Variants in KATNAL2 observed in about 807,000 individuals in gnomAD.
KATNAL2 encodes the protein katanin catalytic subunit A1 like 2.
Under a neutral mutation model 76.3 loss-of-function variants are expected in KATNAL2, and 52 were observed. That is an observed-to-expected ratio of 0.68 (90% CI 0.55 to 0.86). KATNAL2 has a LOEUF of 0.86. Among genes scored for constraint, KATNAL2 ranks in the 40% least tolerant of loss-of-function variants. The pLI is 0.00. For missense variants in KATNAL2, 660 were observed against 668.9 expected, an observed-to-expected ratio of 0.99 and a Z score of 0.15; for synonymous variants, 243 against 244.2, an observed-to-expected ratio of 1.00 and a Z score of 0.05.
In KATNAL2 at chr18:46,951,675, C is replaced by T. The variant is rs562208322; in HGVS notation, c.51+4752C>T. On this transcript the variant is annotated intron_variant, in intron 3 of 17. Transcript: ENST00000683218. ...AGGTAAAGTTTTGGAAACAAAGTAT[C>T]TATGAAACTTCTCCTCTCACCTTGA... Among the ~76,000 whole-genome samples, 18 of 152,210 alleles carry T rather than the reference C, an allele frequency of 1.2e-4. 3 individuals are homozygous for T. The South Asian group carries it at 3.5e-3, about 30-fold the overall frequency.
intron 15 of KATNAL2, among the ~76,000 whole-genome samples, chr18:47,090,576 G>A (rs907317288): frequency 2.0e-5 from 3 of 152,160 alleles, no homozygotes; most frequent in Admixed American, 6.5e-5. Context: ...AGCCAGCACC[G>A]TGTGATTGGT....
chr18:47,048,348 A>G (rs2061229018), intron 4 of KATNAL2, among the ~76,000 whole-genome samples: 1 of 152,176 alleles, frequency 6.6e-6, no homozygotes. Context: ...GGTACAAAGG[A>G]AAAAGGTGAG....
chr18:47,077,676 A>T, intron 15 of KATNAL2: 1 of 433,054 alleles, frequency 2.3e-6, no homozygotes, highest in Non-Finnish European at 4.1e-6. Context: ...GGTGACCATT[A>T]ACAATATTTA....
At chr18:47,063,470 A>C in intron 10 of KATNAL2, 109 bp downstream of exon 10, 1 of 776,570 alleles carries the variant, frequency 1.3e-6, no homozygotes, top group Non-Finnish European at 2.1e-6. Context: ...TTTATTTATA[A>C]AGTGCCCCCA....
chr18:47,077,175 C>T (rs766586353), intron 14 of KATNAL2, among the ~76,000 whole-genome samples, 176 bp from the exon 15 acceptor site: 1 of 152,158 alleles, frequency 6.6e-6, no homozygotes, highest in African/African-American at 2.4e-5. Context: ...TTCTATCATA[C>T]TGTATGTGAA....
At chr18:47,032,814 T>A in intron 3 of KATNAL2, 2 of 1,019,172 alleles carry the variant, frequency 2.0e-6, no homozygotes, top group Non-Finnish European at 2.8e-6. Context: ...TTCTCCAAGC[T>A]GGGAGGTAGT....
intron 3 of KATNAL2, among the ~76,000 whole-genome samples, chr18:47,042,697 T>C (rs1182730412): frequency 6.6e-6 from 1 of 152,078 alleles, no homozygotes; most frequent in Non-Finnish European, 1.5e-5. Flanking sequence ...GACAAAGGAA[T>C]GGAACACTGT....
intron 3 of KATNAL2, among the ~76,000 whole-genome samples, chr18:46,947,490 TGCTACTGGCCA>T (rs1374782409): frequency 6.6e-6 from 1 of 152,056 alleles, no homozygotes; most frequent in African/African-American, 2.4e-5. Context: ...CTGTATCACC[TGCTACTGGCCA>T]GCAATTCTTT....
In KATNAL2 at chr18:46,920,234, G is replaced by A. The variant is rs147724024; in HGVS notation, c.-510+2308G>A. ...CTGGCCACAGTATTAGATCACAACT[G>A]GGCATATAAATCTGATTAGTACTGA... is the stretch of plus-strand genomic sequence containing the variant. On this transcript the variant is annotated intron_variant, in intron 1 of 17. Transcript: ENST00000683218. 1,564 of 458,414 alleles carry A rather than the reference G, an allele frequency of 3.4e-3. 23 individuals are homozygous for A. Among genetic ancestry groups the A allele is most frequent in the South Asian group, 0.014 (854 of 62,670 alleles). 28.4% of individuals were successfully genotyped at this position (458,414 alleles called of 1,614,324 possible). A position where few individuals can be genotyped will look rare whatever the true frequency, so the allele number is the denominator to read the frequency against.
chr18:47,045,853 T>TA (rs1460898541), intron 3 of KATNAL2, among the ~76,000 whole-genome samples: 1 of 152,222 alleles, frequency 6.6e-6, no homozygotes, highest in Non-Finnish European at 1.5e-5. Flanking sequence ...TGTAGCACAT[T>TA]AACACTGTGA....
At chr18:47,084,217 CTA>C in intron 15 of KATNAL2, 1 of 592,530 alleles carries the variant, frequency 1.7e-6, no homozygotes. Flanking sequence ...TTTCTGTTAT[CTA>C]TGTTAACCTA....
intron 1 of KATNAL2, among the ~76,000 whole-genome samples, chr18:46,939,926 C>G (rs929820378): frequency 2.6e-5 from 4 of 152,134 alleles, no homozygotes; most frequent in African/African-American, 9.7e-5. Context: ...ACTAACAGAG[C>G]TAAGTCTCTT....
intron 6 of KATNAL2, 175 bp downstream of exon 6, chr18:47,054,613 A>G: frequency 1.5e-6 from 1 of 670,648 alleles, no homozygotes. Context: ...ATTTGGGCCA[A>G]TGTCCGTCTA....
intron 3 of KATNAL2, chr18:47,034,607 C>T (rs780602972): frequency 6.2e-7 from 1 of 1,614,168 alleles, no homozygotes; most frequent in Admixed American, 1.7e-5. Context: ...TGGCTCACAA[C>T]GGCTTTCCCC....
intron 3 of KATNAL2, among the ~76,000 whole-genome samples, chr18:46,953,269 A>C (rs1385822169): frequency 6.6e-6 from 1 of 151,248 alleles, no homozygotes; most frequent in African/African-American, 2.4e-5. Context: ...TGCATTTTTT[A>C]ATTTGTGGTT....
At chr18:47,065,655 A>G (rs1248257419) in intron 10 of KATNAL2, among the ~76,000 whole-genome samples, 6 of 151,904 alleles carry the variant, frequency 3.9e-5, no homozygotes, top group African/African-American at 1.5e-4. Context: ...CTCAGAAAAA[A>G]CAAACAAACA....
At chr18:46,945,104 T>G (rs1795089805) in intron 1 of KATNAL2, among the ~76,000 whole-genome samples, 2 of 152,352 alleles carry the variant, frequency 1.3e-5, no homozygotes, top group Admixed American at 1.3e-4. Context: ...TGTCTGTAAA[T>G]ATTCAGTTCC....
chr18:47,059,756 T>C (rs1569095377), intron 8 of KATNAL2, 102 bp downstream of exon 8: 3 of 873,788 alleles, frequency 3.4e-6, no homozygotes, highest in Non-Finnish European at 5.5e-6. Context: ...AAAGTTAAGA[T>C]GTGATTTTTG....
At chr18:47,065,773 C>G (rs1463494132) in intron 10 of KATNAL2, among the ~76,000 whole-genome samples, 1 of 151,734 alleles carries the variant, frequency 6.6e-6, no homozygotes, top group African/African-American at 2.4e-5. Context: ...CACTTGTGTC[C>G]AGGAGTTTGA....
Sources: allele counts gnomAD v4.1 joint callset (sites outside exome capture counted in the v4.1 genomes callset), GRCh38; gene constraint gnomAD v4.1.1; transcripts MANE v1.5; gene names NCBI Gene and HGNC (gene_info 2026-07-23, HGNC 2026-07-21).